FARS2: variants seen among roughly 807,000 people sequenced by gnomAD.
FARS2 encodes phenylalanyl-tRNA synthetase 2, mitochondrial.
A neutral mutation model predicts 46.4 loss-of-function variants in FARS2; 40 were observed. The observed-to-expected ratio is 0.86, with a 90% CI of 0.67 to 1.12. FARS2 has a LOEUF of 1.12. Ranked by LOEUF, FARS2 falls within the 50% of genes most tolerant of loss-of-function variation. The probability of loss-of-function intolerance (pLI) is 0.00; values close to 1 mark genes in which losing one functional copy is unlikely to be tolerated. For synonymous variants in FARS2, 234 were observed against 214.9 expected, an observed-to-expected ratio of 1.09 and a Z score of -0.78; for missense variants, 513 against 567.9, an observed-to-expected ratio of 0.90 and a Z score of 0.98.
At chr6:5,373,537 A>G (rs891469059) in intron 2 of FARS2, among the ~76,000 whole-genome samples, 4 of 152,182 alleles carry the variant, frequency 2.6e-5, no homozygotes, top group South Asian at 2.1e-4. Flanking sequence ...TGAAATAAAT[A>G]GAGGACTCAA....
rs537958740 is a variant in FARS2, at chr6:5,332,885, G to A, written c.-21-35665G>A. Among the ~76,000 whole-genome samples, 3 of 152,312 alleles carry A rather than the reference G, an allele frequency of 2.0e-5. No homozygotes were observed. In the South Asian group the frequency reaches 6.2e-4, roughly 32 times the overall value. ...AAAAGGGTAATGGCTCAGTATTAAG[G>A]AGTAGAGAAGAGTGGATACTGAACA... On this transcript the variant is annotated intron_variant, in intron 1 of 6. Transcript: ENST00000274680.
intron 6 of FARS2, among the ~76,000 whole-genome samples, chr6:5,659,875 C>A (rs1486088555): frequency 6.6e-6 from 1 of 152,214 alleles, no homozygotes; most frequent in Non-Finnish European, 1.5e-5. Flanking sequence ...ACAGGTATTT[C>A]ATGTGTTAGT....
chr6:5,262,170 C>T (rs564282244), intron 1 of FARS2, among the ~76,000 whole-genome samples: 1 of 152,342 alleles, frequency 6.6e-6, no homozygotes, highest in South Asian at 2.1e-4. Flanking sequence ...CATCTTTCTC[C>T]GAACCACTTG....
At chr6:5,485,257 G>A (rs1582240423) in intron 4 of FARS2, among the ~76,000 whole-genome samples, 1 of 152,120 alleles carries the variant, frequency 6.6e-6, no homozygotes, top group South Asian at 2.1e-4. Flanking sequence ...GGCATACTTT[G>A]CTCATGAGAT....
chr6:5,609,504 C>T, intron 5 of FARS2: 1 of 1,221,934 alleles, frequency 8.2e-7, no homozygotes, highest in Non-Finnish European at 1.2e-6. Flanking sequence ...ATGGCTGCCA[C>T]CAAAGCCACC....
At chr6:5,706,296 G>T (rs534250962) in intron 6 of FARS2, among the ~76,000 whole-genome samples, 1 of 152,196 alleles carries the variant, frequency 6.6e-6, no homozygotes, top group South Asian at 2.1e-4. Flanking sequence ...GGACACAAAC[G>T]GGTACTGGTC....
intron 1 of FARS2, among the ~76,000 whole-genome samples, chr6:5,322,287 A>C (rs1187544389): frequency 6.6e-6 from 1 of 152,240 alleles, no homozygotes; most frequent in Non-Finnish European, 1.5e-5. Flanking sequence ...AATGATTTTA[A>C]TAACACTGGA....
At position 5,661,624 on chromosome 6, in the gene FARS2, A is replaced by G. The variant is rs79950235; in HGVS notation, c.1217+48304A>G. On this transcript the variant is annotated intron_variant, in intron 6 of 6. Transcript: ENST00000274680. ...AGCCAACATCACTGAAGAGCCAATG[A>G]CATGATCAACAAAAAGCCATTGCAT... is the stretch of plus-strand genomic sequence containing the variant. Among the ~76,000 whole-genome samples, 6 of 152,328 alleles carry G rather than the reference A, an allele frequency of 3.9e-5. No homozygotes were observed. In the East Asian group the frequency reaches 1.2e-3, roughly 29 times the overall value.
At chr6:5,628,688 G>C in intron 6 of FARS2, among the ~76,000 whole-genome samples, 1 of 152,260 alleles carries the variant, frequency 6.6e-6, no homozygotes, top group East Asian at 1.9e-4. Flanking sequence ...AGAATGTGGT[G>C]AACAGAGATG....
chr6:5,640,014 C>A (rs143477551), intron 6 of FARS2, among the ~76,000 whole-genome samples: 161 of 152,270 alleles, frequency 1.1e-3, no homozygotes, highest in South Asian at 2.9e-3. Flanking sequence ...TCCATTTTGC[C>A]ATATCTGTTC....
At chr6:5,769,168 A>G (rs1194212575) in intron 6 of FARS2, among the ~76,000 whole-genome samples, 1 of 152,176 alleles carries the variant, frequency 6.6e-6, no homozygotes, top group Non-Finnish European at 1.5e-5. Context: ...GGTGTGAGGT[A>G]GGGATTCAGC....
At chr6:5,253,550 G>A in the FARS2 span, among the ~76,000 whole-genome samples, 1 of 152,014 alleles carries the variant, frequency 6.6e-6, no homozygotes, top group Non-Finnish European at 1.5e-5. Context: ...AAGCTGCAGC[G>A]ACAACTTGCG....
chr6:5,565,425 G>A (rs1179357651), intron 5 of FARS2, among the ~76,000 whole-genome samples: 2 of 152,124 alleles, frequency 1.3e-5, no homozygotes, highest in Non-Finnish European at 2.9e-5. Context: ...GAGAACACCT[G>A]TTAAAGTCCT....
chr6:5,419,215 T>TA (rs1384776158), intron 3 of FARS2, among the ~76,000 whole-genome samples: 2 of 152,246 alleles, frequency 1.3e-5, no homozygotes, highest in Non-Finnish European at 2.9e-5. Flanking sequence ...GATGCATTTT[T>TA]AGATCTGTTT....
At chr6:5,732,704 C>T (rs967452400) in intron 6 of FARS2, among the ~76,000 whole-genome samples, 1 of 152,166 alleles carries the variant, frequency 6.6e-6, no homozygotes, top group East Asian at 1.9e-4. Flanking sequence ...ATGGGTCAGC[C>T]GGACTCCAGC....
intron 4 of FARS2, among the ~76,000 whole-genome samples, chr6:5,492,532 C>G (rs1222472225): frequency 6.6e-6 from 1 of 152,212 alleles, no homozygotes; most frequent in Non-Finnish European, 1.5e-5. Context: ...ATTTAAAATT[C>G]TACCAGCAAT....
intron 4 of FARS2, among the ~76,000 whole-genome samples, chr6:5,437,715 T>C (rs1205997947): frequency 6.6e-6 from 1 of 152,162 alleles, no homozygotes; most frequent in Non-Finnish European, 1.5e-5. Flanking sequence ...TTACATATAT[T>C]ACATCTACAT....
chr6:5,692,567 G>C (rs557951545), intron 6 of FARS2, among the ~76,000 whole-genome samples: 13 of 152,186 alleles, frequency 8.5e-5, no homozygotes, highest in Non-Finnish European at 1.6e-4. Context: ...TTGAAAACTA[G>C]ATTGAAGGAA....
intron 4 of FARS2, 124 bp from the exon 5 acceptor site, chr6:5,545,056 C>T (rs959051632): frequency 1.2e-6 from 1 of 818,330 alleles, no homozygotes; most frequent in Non-Finnish European, 2.0e-6. Context: ...TTTGTAGCGG[C>T]TGCCCAGTGC....
Sources: allele counts gnomAD v4.1 joint callset (sites outside exome capture counted in the v4.1 genomes callset), GRCh38; gene constraint gnomAD v4.1.1; transcripts MANE v1.5; gene names NCBI Gene and HGNC (gene_info 2026-07-23, HGNC 2026-07-21).